Variants in SPAG16 observed in about 807,000 individuals in gnomAD.
SPAG16 encodes the protein sperm-associated antigen 16 protein.
Under a neutral mutation model 80.4 loss-of-function variants are expected in SPAG16, and 86 were observed. The ratio of observed to expected loss-of-function variants is 1.07; its 90% CI spans 0.90 to 1.28. SPAG16 has a LOEUF of 1.28. SPAG16 is among the 50% of genes most tolerant of loss of function. SPAG16 has a pLI of 0.00. For missense variants in SPAG16, 870 were observed against 765.3 expected, an observed-to-expected ratio of 1.14 and a Z score of -1.61; for synonymous variants, 294 against 265.9, an observed-to-expected ratio of 1.11 and a Z score of -1.03.
At chr2:214,086,452 G>A (rs1308514377) in intron 13 of SPAG16, among the ~76,000 whole-genome samples, 1 of 152,136 alleles carries the variant, frequency 6.6e-6, no homozygotes, top group African/African-American at 2.4e-5. Context: ...TGTGTTGGGG[G>A]AGGGACCTTA....
In SPAG16 at chr2:214,032,798, G is replaced by T. The variant is rs1346698288; in HGVS notation, c.1527+18721G>T. 3.3e-5 allele frequency among the ~76,000 whole-genome samples: 5 copies of T among 152,236 alleles called. No individual in the cohort carries two copies. The East Asian group carries it at 7.7e-4, about 24-fold the overall frequency. On this transcript the variant is annotated intron_variant, in intron 13 of 15. Transcript: ENST00000331683. ...TTTGGAGGCATACCAAGTGTTTCTG[G>T]CTTGGAAAAGTTTAGGTGCAAAGAC... is the stretch of plus-strand genomic sequence containing the variant.
At chr2:214,116,296 A>T (rs1475017587) in intron 14 of SPAG16, among the ~76,000 whole-genome samples, 1 of 152,212 alleles carries the variant, frequency 6.6e-6, no homozygotes, top group Non-Finnish European at 1.5e-5. Context: ...GAGGTTCCAC[A>T]TGAGGACTGC....
At chr2:213,986,980 A>G (rs2046046308) in intron 12 of SPAG16, among the ~76,000 whole-genome samples, 1 of 151,922 alleles carries the variant, frequency 6.6e-6, no homozygotes, top group African/African-American at 2.4e-5. Context: ...AAAGAGGGAA[A>G]AAACAAAATG....
intron 14 of SPAG16, among the ~76,000 whole-genome samples, chr2:214,126,184 C>CGGAGAAG (rs1040754914): frequency 5.4e-5 from 8 of 148,420 alleles, no homozygotes; most frequent in Middle Eastern, 3.5e-3. Context: ...CTAGGCTTTA[C>CGGAGAAG]GGAGAAGGGA....
intron 10 of SPAG16, among the ~76,000 whole-genome samples, chr2:213,582,797 A>C (rs2060340391): frequency 1.3e-5 from 2 of 152,124 alleles, no homozygotes; most frequent in African/African-American, 4.8e-5. Context: ...AGAGAATGCT[A>C]TTCTGCAATA....
At chr2:214,307,185 A>G (rs1227651124) in intron 15 of SPAG16, among the ~76,000 whole-genome samples, 2 of 151,830 alleles carry the variant, frequency 1.3e-5, no homozygotes, top group Non-Finnish European at 2.9e-5. Flanking sequence ...GGTGTTCGTA[A>G]TGTTCTCTGA....
intron 11 of SPAG16, among the ~76,000 whole-genome samples, chr2:213,904,727 T>G (rs2077367148): frequency 6.6e-6 from 1 of 152,026 alleles, no homozygotes. Context: ...GAAGGGGCCT[T>G]GTCATTGGTT....
chr2:213,285,208 C>G (rs1156999087), intron 1 of SPAG16, among the ~76,000 whole-genome samples: 1 of 151,568 alleles, frequency 6.6e-6, no homozygotes, highest in African/African-American at 2.4e-5. Context: ...GCTTTTTTTT[C>G]TTGAGCAAAT....
At chr2:213,529,331 T>C (rs906458699) in intron 10 of SPAG16, among the ~76,000 whole-genome samples, 1 of 152,180 alleles carries the variant, frequency 6.6e-6, no homozygotes, top group Non-Finnish European at 1.5e-5. Context: ...AAAGCCCTGA[T>C]TTGTAGAATT....
chr2:214,372,376 C>A (rs937932494), intron 15 of SPAG16, among the ~76,000 whole-genome samples: 7 of 152,130 alleles, frequency 4.6e-5, no homozygotes, highest in Admixed American at 1.3e-4. Context: ...ATTTAAGCTG[C>A]AAATTTAAAC....
intron 15 of SPAG16, among the ~76,000 whole-genome samples, chr2:214,391,847 G>A (rs1204553742): frequency 6.6e-6 from 1 of 152,186 alleles, no homozygotes; most frequent in East Asian, 1.9e-4. Context: ...CTCCAACCCT[G>A]CTCAACCAGG....
At chr2:213,397,949 T>A (rs1481460350) in intron 9 of SPAG16, among the ~76,000 whole-genome samples, 3 of 152,168 alleles carry the variant, frequency 2.0e-5, no homozygotes, top group Admixed American at 6.6e-5. Flanking sequence ...CAGTTAAATG[T>A]CATTTCTTCA....
At chr2:213,764,599 T>C (rs75123373) in intron 10 of SPAG16, among the ~76,000 whole-genome samples, 1 of 152,130 alleles carries the variant, frequency 6.6e-6, no homozygotes. Flanking sequence ...ATAGCTAAAT[T>C]GTTTCATTTT....
chr2:213,386,760 T>G (rs1424412927), intron 9 of SPAG16, among the ~76,000 whole-genome samples: 1 of 152,190 alleles, frequency 6.6e-6, no homozygotes, highest in Non-Finnish European at 1.5e-5. Context: ...TTTGTGAACA[T>G]TAGGGAAGCC....
intron 9 of SPAG16, among the ~76,000 whole-genome samples, chr2:213,383,253 A>G (rs996682823): frequency 1.3e-5 from 2 of 152,158 alleles, no homozygotes; most frequent in African/African-American, 2.4e-5. Flanking sequence ...AAATACAAAG[A>G]TATTATTGTT....
Position 213,310,184 on chromosome 2 carries a change from A to G in SPAG16, c.398+7A>G. 1 of 1,525,994 alleles carries G rather than the reference A, an allele frequency of 6.6e-7. No individual in the cohort carries two copies. The highest frequency in any genetic ancestry group is 1.1e-5 in the South Asian group (1 of 87,288). The allele number at this position is 1,525,994 out of a possible 1,614,324, so 94.5% of individuals were successfully genotyped here. A position where few individuals can be genotyped will look rare whatever the true frequency, so the allele number is the denominator to read the frequency against. ...ATTGCTTTCAGTCTGAATGGTAAAC[A>G]ATTATGTAGATAAATAGTTCTCTTA... On this transcript the variant is annotated splice_region_variant and intron_variant, in intron 4 of 15. Transcript: ENST00000331683.
At chr2:213,929,270 A>G (rs1462584756) in intron 11 of SPAG16, among the ~76,000 whole-genome samples, 1 of 151,576 alleles carries the variant, frequency 6.6e-6, no homozygotes, top group Admixed American at 6.6e-5. Flanking sequence ...TGCCTCGGCC[A>G]CCCAAAGTGC....
chr2:213,389,742 G>A (rs1482365923), intron 9 of SPAG16, among the ~76,000 whole-genome samples: 1 of 152,084 alleles, frequency 6.6e-6, no homozygotes, highest in Non-Finnish European at 1.5e-5. Flanking sequence ...AAGAAAGCTG[G>A]TGAGGACATA....
At chr2:213,720,742 C>CTTTT (rs564036456) in intron 10 of SPAG16, among the ~76,000 whole-genome samples, 1 of 78,938 alleles carries the variant, frequency 1.3e-5, no homozygotes, top group Non-Finnish European at 2.4e-5. Context: ...GAAGTAAGTC[C>CTTTT]TTTTTTTTTT....
Sources: gnomAD v4.1 joint callset for allele counts (sites outside exome capture counted in the v4.1 genomes callset) on GRCh38, gnomAD v4.1.1 for gene constraint, MANE v1.5 for transcripts, NCBI Gene and HGNC (gene_info 2026-07-23, HGNC 2026-07-21) for gene names.